SPATA31D1: variants seen among roughly 807,000 people sequenced by gnomAD.
SPATA31D1 encodes the protein spermatogenesis-associated protein 31D1.
A neutral mutation model predicts 13.2 loss-of-function variants in SPATA31D1; 6 were observed. That is an observed-to-expected ratio of 0.46 (90% CI 0.25 to 0.90). The LOEUF (loss-of-function observed/expected upper bound fraction) is 0.90, where lower values mean the gene tolerates loss of function less well. SPATA31D1 is among the 40% of genes least tolerant of loss of function. The pLI, the probability that SPATA31D1 is intolerant of heterozygous loss-of-function variation, is 0.18. For synonymous variants in SPATA31D1, 903 were observed against 718.8 expected (o/e 1.26, Z -4.10); for missense variants, 2,445 against 1,884.7 (o/e 1.30, Z -5.50).
At chr9:81,990,657 C>A in intron 3 of SPATA31D1, 116 bp from the exon 4 acceptor site, 1 of 1,407,544 alleles carries the variant, frequency 7.1e-7, no homozygotes, top group Non-Finnish European at 9.6e-7. Flanking sequence ...GGTCATAGGA[C>A]CTCATATACG....
In SPATA31D1 at chr9:81,989,978, C is replaced by G. The variant is rs1351214721; in HGVS notation, c.232+155C>G. ...CAGGCTCATGGGAAAGCAATCAGACCTGAGACACTGCTCAGAGGCCCTGCT... is the reference window on the plus strand; with the variant it reads ...CAGGCTCATGGGAAAGCAATCAGACGTGAGACACTGCTCAGAGGCCCTGCT... On this transcript the variant is annotated intron_variant, in intron 2 of 3. Coordinates refer to ENST00000344803, the MANE Select transcript of SPATA31D1 (RefSeq NM_001001670.3). 4 of 795,792 alleles carry G rather than the reference C, an allele frequency of 5.0e-6. No homozygotes were observed. The East Asian group carries it at 8.4e-5, about 17-fold the overall frequency. 49.3% of individuals were successfully genotyped at this position (795,792 alleles called of 1,614,324 possible).
Position 81,991,822 on chromosome 9 carries a change from C to T in SPATA31D1, c.1352C>T (p.Ser451Leu). The change falls in exon 4 of 4, where the codon TCA (serine) becomes TTA (leucine). Residue 451 changes from serine to leucine, a missense_variant. Ser to Leu is a moderately radical substitution (Grantham distance 145). Coordinates refer to ENST00000344803, the MANE Select transcript of SPATA31D1 (RefSeq NM_001001670.3). ...QLRPNYQLNS[S>L]RNMLTSIAVK... ...AGGCCAAACTACCAACTAAATTCCTCACGGAATATGTTAACCTCAATTGCT... is the reference window on the plus strand; with the variant it reads ...AGGCCAAACTACCAACTAAATTCCTTACGGAATATGTTAACCTCAATTGCT... 2.5e-6 allele frequency: 4 copies of T among 1,613,804 alleles called. No individual in the cohort carries two copies. The highest frequency in any genetic ancestry group is 3.4e-6 in the Non-Finnish European group (4 of 1,179,718).
rs1178073878 is a variant in SPATA31D1 at position 81,990,877 on chromosome 9, C to T, written c.407C>T (p.Ala136Val). 1.2e-6 allele frequency: 2 copies of T among 1,613,820 alleles called. No homozygotes were observed. Among genetic ancestry groups the T allele is most frequent in the African/African-American group, 2.7e-5 (2 of 74,906 alleles). ...PDPVCRVCKR[A>V]TADIQQLLSW... ...CCCGTCTGTCGGGTGTGTAAGAGAG[C>T]AACTGCTGATATCCAGCAACTGCTG... Residue 136 changes from alanine to valine, a missense_variant, in exon 4 of 4, where the codon GCA becomes GTA. Coordinates refer to ENST00000344803, the MANE Select transcript of SPATA31D1 (RefSeq NM_001001670.3).
rs745779276 is a variant in SPATA31D1 at position 81,989,815 on chromosome 9, C to T, written c.224C>T (p.Thr75Ile). 11 of 1,613,684 alleles carry T rather than the reference C, an allele frequency of 6.8e-6. No homozygotes were observed. The Admixed American group carries it at 1.2e-4, about 17-fold the overall frequency. The change falls in exon 2 of 4, where the codon ACA becomes ATA. Residue 75 changes from threonine to isoleucine, a missense_variant. Physicochemically the swap from Thr to Ile is moderately conservative, Grantham distance 89. Coordinates refer to ENST00000344803, the MANE Select transcript of SPATA31D1 (RefSeq NM_001001670.3). ...GRAKRRRKGG[T>I]FKGFPDWKSF... ...GCCAAGAGGAGAAGGAAAGGTGGGA[C>T]ATTCAAAGGTAATGTCAGCCTGCTC...
chr9:81,991,861 T>C lies in SPATA31D1; in HGVS notation c.1391T>C (p.Leu464Ser). 1.2e-6 allele frequency: 2 copies of C among 1,613,812 alleles called. No homozygotes were observed. Among genetic ancestry groups the C allele is most frequent in the Non-Finnish European group, 1.7e-6 (2 of 1,179,730 alleles). The change falls in exon 4 of 4, where the codon TTG (leucine) becomes TCG (serine). Residue 464 changes from leucine (L) to serine (S), a missense_variant. Coordinates refer to ENST00000344803, the MANE Select transcript of SPATA31D1 (RefSeq NM_001001670.3). Reference sequence around the variant, plus strand: ...ACCTCAATTGCTGTTAAGCATGACTTGGCAGAATCCTTTCCTTTTTGGGCC... The same window carrying C: ...ACCTCAATTGCTGTTAAGCATGACTCGGCAGAATCCTTTCCTTTTTGGGCC... Reference protein sequence around the residue: ...MLTSIAVKHDLAESFPFWASK... With the variant: ...MLTSIAVKHDSAESFPFWASK...
chr9:81,992,258 A>C lies in SPATA31D1; in HGVS notation c.1788A>C (p.Leu596=). 1 of 1,613,748 alleles carries C rather than the reference A, an allele frequency of 6.2e-7. No individual in the cohort carries two copies. The highest frequency in any genetic ancestry group is 8.5e-7 in the Non-Finnish European group (1 of 1,179,714). The change falls in exon 4 of 4, where the codon CTA becomes CTC. Residue 596 remains leucine, a synonymous_variant. Transcript: ENST00000344803. The stretch of plus-strand genomic sequence containing the variant: ...TCCGAGCCCTACTACCTAGTCCTCT[A>C]TTCCTGATTAGGATCTGTGGAGTGT... ...SPFRALLPSP[L]FLIRICGVCF...
chr9:81,989,649 CAT>C (rs1192056548), intron 1 of SPATA31D1, 127 bp from the exon 2 acceptor site: 2 of 1,034,298 alleles, frequency 1.9e-6, no homozygotes, highest in African/African-American at 3.2e-5. Context: ...ATAACAGGAA[CAT>C]ATTTCTATTA....
In SPATA31D1 at chr9:81,993,831, G is replaced by A; in HGVS notation, c.3361G>A (p.Gly1121Arg). 1 of 1,614,048 alleles carries A rather than the reference G, an allele frequency of 6.2e-7. No homozygotes were observed. Among genetic ancestry groups the A allele is most frequent in the Non-Finnish European group, 8.5e-7 (1 of 1,179,902 alleles). Reference sequence around the variant, plus strand: ...CGCAGAGCTGCCCATAATGCAAGCTGGAGCTGGCTGTGAGTCATGGGATAA... The same window carrying A: ...CGCAGAGCTGCCCATAATGCAAGCTAGAGCTGGCTGTGAGTCATGGGATAA... Reference protein sequence around the residue: ...CSAELPIMQAGAGCESWDKRK... With the variant: ...CSAELPIMQARAGCESWDKRK... Residue 1121 changes from glycine (G) to arginine (R), a missense_variant, in exon 4 of 4, where the codon GGA (glycine) becomes AGA (arginine). Coordinates refer to ENST00000344803, the MANE Select transcript of SPATA31D1 (RefSeq NM_001001670.3).
chr9:81,992,985 G>A lies in SPATA31D1; in HGVS notation c.2515G>A (p.Glu839Lys). The A allele has an allele frequency of 6.2e-7, 1 of 1,613,758 alleles. No individual in the cohort carries two copies. The highest frequency in any genetic ancestry group is 8.5e-7 in the Non-Finnish European group (1 of 1,179,710). Residue 839 changes from glutamate (E) to lysine (K), a missense_variant, in exon 4 of 4, where the codon GAG becomes AAG. Coordinates refer to ENST00000344803, the MANE Select transcript of SPATA31D1 (RefSeq NM_001001670.3). ...GACAGTACGTTTGAGCAAGAAATTT[G>A]AGGAAATCAATGAGGGTCGAATGCC... ...ALTVRLSKKFEEINEGRMPGT... is the reference protein window; with the variant it reads ...ALTVRLSKKFKEINEGRMPGT...
chr9:81,990,998 C>G lies in SPATA31D1; in HGVS notation c.528C>G (p.Pro176=), dbSNP rs762302026. ...CATCGTTCACTCTGGCTTCCACCCC[C>G]TCAGCAACCCCTCCAGAAGACCTAA... ...TESSFTLAST[P]SATPPEDLIL... Residue 176 remains proline, a synonymous_variant, in exon 4 of 4, where the codon CCC becomes CCG. Transcript: ENST00000344803. The G allele has an allele frequency of 3.7e-6, 6 of 1,613,780 alleles. No individual in the cohort carries two copies. The South Asian group carries it at 5.5e-5, about 15-fold the overall frequency.
At position 81,991,208 on chromosome 9, in the gene SPATA31D1, C is replaced by T. The variant is rs200478585; in HGVS notation, c.738C>T (p.Pro246=). 104 of 1,614,010 alleles carry T rather than the reference C, an allele frequency of 6.4e-5. 1 individual carries two copies. In the Admixed American group the frequency reaches 1.2e-3, roughly 19 times the overall value. ...CCCCACCCCAACAGCTTCCCTTTCCCCTTCTCCCACCACATCACATTGAGA... is the reference window on the plus strand; with the variant it reads ...CCCCACCCCAACAGCTTCCCTTTCCTCTTCTCCCACCACATCACATTGAGA... The part of the protein sequence containing the change: ...DHSPPQQLPF[P]LLPPHHIERV... The change falls in exon 4 of 4, where the codon CCC becomes CCT. Residue 246 remains proline, a synonymous_variant. Transcript: ENST00000344803.
chr9:81,991,011 C>A lies in SPATA31D1; in HGVS notation c.541C>A (p.Pro181Thr), dbSNP rs1387039154. ...GGCTTCCACCCCCTCAGCAACCCCT[C>A]CAGAAGACCTAATACTGTCCCCTCG... ...TLASTPSATP[P>T]EDLILSPRPK... The change falls in exon 4 of 4, where the codon CCA becomes ACA. Residue 181 changes from proline (P) to threonine (T), a missense_variant. Transcript: ENST00000344803. 2.5e-6 allele frequency: 4 copies of A among 1,613,774 alleles called. No homozygotes were observed. Among genetic ancestry groups the A allele is most frequent in the African/African-American group, 1.3e-5 (1 of 75,024 alleles).
Position 81,993,490 on chromosome 9 carries a change from A to G in SPATA31D1, c.3020A>G (p.Asp1007Gly). 1 of 1,613,924 alleles carries G rather than the reference A, an allele frequency of 6.2e-7. No individual in the cohort carries two copies. Among genetic ancestry groups the G allele is most frequent in the Non-Finnish European group, 8.5e-7 (1 of 1,179,892 alleles). Residue 1007 changes from aspartate to glycine, a missense_variant, in exon 4 of 4, where the codon GAT becomes GGT. Coordinates refer to ENST00000344803, the MANE Select transcript of SPATA31D1 (RefSeq NM_001001670.3). ...GGGACCCTGAGAAGACAATTTTCTG[A>G]TACTGACCATGACCTTATAGAGACA... ...GQGTLRRQFS[D>G]TDHDLIETDS...
chr9:81,994,716 A>C lies in SPATA31D1; in HGVS notation c.4246A>C (p.Lys1416Gln). ...AGACACTAGGGAGTTCCTAGAAGAG[A>C]AGCTGGGGCATAGGCATGGGATAGA... ...RKDTREFLEE[K>Q]LGHRHGIDIT... Residue 1416 changes from lysine (K) to glutamine (Q), a missense_variant, in exon 4 of 4, where the codon AAG becomes CAG. Physicochemically the swap from Lys to Gln is moderately conservative, Grantham distance 53. Transcript: ENST00000344803. The C allele has an allele frequency of 6.2e-7, 1 of 1,613,846 alleles. No homozygotes were observed. Among genetic ancestry groups the C allele is most frequent in the Non-Finnish European group, 8.5e-7 (1 of 1,179,830 alleles).
Position 81,993,945 on chromosome 9 carries a change from A to T in SPATA31D1, c.3475A>T (p.Asn1159Tyr). 1 of 1,613,920 alleles carries T rather than the reference A, an allele frequency of 6.2e-7. No individual in the cohort carries two copies. The highest frequency in any genetic ancestry group is 1.3e-5 in the African/African-American group (1 of 75,058). The change falls in exon 4 of 4, where the codon AAC becomes TAC. Residue 1159 changes from asparagine (N) to tyrosine (Y), a missense_variant. Coordinates refer to ENST00000344803, the MANE Select transcript of SPATA31D1 (RefSeq NM_001001670.3). The part of the protein sequence containing the change: ...VTNALQSQTR[N>Y]NLTTSKSGSC... ...CAATGCTCTTCAATCACAAACTAGG[A>T]ACAACTTGACAACCAGCAAGTCAGG...
chr9:81,988,699 C>T, upstream of SPATA31D1: 1 of 1,509,758 alleles, frequency 6.6e-7, no homozygotes, highest in Non-Finnish European at 9.0e-7. Flanking sequence ...TCTTGTTGCT[C>T]CCTGCACCCT....
Position 81,995,221 on chromosome 9 carries a change from C to A in SPATA31D1, c.*20C>A, listed in dbSNP as rs1411869521. On this transcript the variant is annotated 3_prime_UTR_variant, in exon 4 of 4. Transcript: ENST00000344803. ...AAATAATTCACTCCTTGTTGAGAATCTTGATTCTCCCCAATAAATGTTCCA... is the reference window on the plus strand; with the variant it reads ...AAATAATTCACTCCTTGTTGAGAATATTGATTCTCCCCAATAAATGTTCCA... 1 of 1,480,566 alleles carries A rather than the reference C, an allele frequency of 6.8e-7. No individual in the cohort carries two copies. Among genetic ancestry groups the A allele is most frequent in the African/African-American group, 1.4e-5 (1 of 71,254 alleles). The allele number at this position is 1,480,566 out of a possible 1,614,324, so 91.7% of individuals were successfully genotyped here. A position where few individuals can be genotyped will look rare whatever the true frequency, so the allele number is the denominator to read the frequency against.
chr9:81,990,866 G>T lies in SPATA31D1; in HGVS notation c.396G>T (p.Val132=). The T allele has an allele frequency of 6.2e-7, 1 of 1,613,960 alleles. No individual in the cohort carries two copies. The highest frequency in any genetic ancestry group is 2.2e-5 in the East Asian group (1 of 44,850). ...RLLCPDPVCR[V]CKRATADIQQ... is the part of the protein sequence containing the mutation. ...TATGCCCAGACCCCGTCTGTCGGGT[G>T]TGTAAGAGAGCAACTGCTGATATCC... is the stretch of plus-strand genomic sequence containing the variant. The change falls in exon 4 of 4, where the codon GTG becomes GTT. Residue 132 remains valine (V), a synonymous_variant. Coordinates refer to ENST00000344803, the MANE Select transcript of SPATA31D1 (RefSeq NM_001001670.3).
chr9:81,989,816 A>C lies in SPATA31D1; in HGVS notation c.225A>C (p.Thr75=). 2.5e-6 allele frequency: 4 copies of C among 1,613,678 alleles called. No individual in the cohort carries two copies. Among genetic ancestry groups the C allele is most frequent in the Non-Finnish European group, 3.4e-6 (4 of 1,179,672 alleles). The change falls in exon 2 of 4, where the codon ACA becomes ACC. Residue 75 remains threonine (T), a synonymous_variant. Coordinates refer to ENST00000344803, the MANE Select transcript of SPATA31D1 (RefSeq NM_001001670.3). ...GRAKRRRKGG[T]FKGFPDWKSF... ...CCAAGAGGAGAAGGAAAGGTGGGAC[A>C]TTCAAAGGTAATGTCAGCCTGCTCT...
Sources: allele counts gnomAD v4.1 joint callset, GRCh38; gene constraint gnomAD v4.1.1; transcripts MANE v1.5; gene names NCBI Gene and HGNC (gene_info 2026-07-23, HGNC 2026-07-21).